The following ZNF561 variants were observed in gnomAD, a reference collection of about 807,000 sequenced individuals.
ZNF561 encodes zinc finger protein 561.
In ZNF561, 16 loss-of-function variants were observed where a neutral mutation model predicts 16.7. That is an observed-to-expected ratio of 0.96 (90% CI 0.65 to 1.45). The LOEUF is 1.45. Ranked by LOEUF, ZNF561 falls within the 40% of genes most tolerant of loss-of-function variation. ZNF561 has a pLI of 0.00. For synonymous variants in ZNF561, 190 were observed against 192.1 expected, an observed-to-expected ratio of 0.99 and a Z score of 0.09; for missense variants, 580 against 578.0, an observed-to-expected ratio of 1.00 and a Z score of -0.04.
chr19:9,611,854 A>T (rs1351766049), intron 5 of ZNF561, among the ~76,000 whole-genome samples: 2 of 152,162 alleles, frequency 1.3e-5, no homozygotes, highest in Non-Finnish European at 2.9e-5. Flanking sequence ...TCAAGTGATC[A>T]TCCTGCCTTA....
chr19:9,620,927 G>A (rs953412656), intron 1 of ZNF561: 7 of 152,320 alleles, frequency 4.6e-5, no homozygotes, highest in Non-Finnish European at 8.8e-5. Flanking sequence ...TGTAATCCCA[G>A]GTACTCGGAA....
intron 4 of ZNF561, among the ~76,000 whole-genome samples, chr19:9,614,704 G>A (rs1352518017): frequency 2.0e-5 from 3 of 152,122 alleles, no homozygotes; most frequent in African/African-American, 7.2e-5. Context: ...GAATGATAAA[G>A]TTAACAAAGA....
chr19:9,614,475 G>T (rs549188232), intron 4 of ZNF561, among the ~76,000 whole-genome samples: 3 of 152,274 alleles, frequency 2.0e-5, no homozygotes, highest in Admixed American at 1.3e-4. Context: ...AGGCATGGTG[G>T]CGCATGCCTA....
intron 3 of ZNF561, chr19:9,617,410 T>C: frequency 2.7e-6 from 2 of 748,496 alleles, no homozygotes; most frequent in Non-Finnish European, 3.5e-6. Context: ...TGCTGATCTA[T>C]TTTTAATTTT....
intron 4 of ZNF561, among the ~76,000 whole-genome samples, chr19:9,615,727 G>A (rs945047756): frequency 8.0e-5 from 11 of 137,312 alleles, no homozygotes; most frequent in South Asian, 4.6e-4. Flanking sequence ...CCAACATGGC[G>A]AAACCCCATC....
intron 3 of ZNF561, chr19:9,617,555 G>A: frequency 2.6e-6 from 1 of 388,436 alleles, no homozygotes; most frequent in South Asian, 1.9e-5. Flanking sequence ...GGGTCCAACT[G>A]TGTCACCCAG....
At chr19:9,620,287 G>A (rs969189030) in intron 1 of ZNF561, among the ~76,000 whole-genome samples, 1 of 151,894 alleles carries the variant, frequency 6.6e-6, no homozygotes, top group Non-Finnish European at 1.5e-5. Flanking sequence ...ACGCAGTTTC[G>A]CCATATTGGC....
intron 3 of ZNF561, 70 bp from the exon 4 acceptor site, chr19:9,617,241 A>AGG: frequency 6.4e-7 from 1 of 1,553,922 alleles, no homozygotes; most frequent in Non-Finnish European, 8.7e-7. Flanking sequence ...AGAATGATGA[A>AGG]GGGGAACCTT....
rs1266131483 is a variant in ZNF561 at position 9,620,928 on chromosome 19, G to A, written c.-127+234C>T. ...TGGTGGCACTTGCCTGTAATCCCAG[G>A]TACTCGGAAGGCTGAGGCAGGAGAA... is the stretch of plus-strand genomic sequence containing the variant. On this transcript the variant is annotated intron_variant, in intron 1 of 5. Transcript: ENST00000302851. 2.0e-5 allele frequency: 3 copies of A among 152,286 alleles called. No individual in the cohort carries two copies. The East Asian group carries it at 5.8e-4, about 29-fold the overall frequency. The allele number at this position is 152,286 out of a possible 1,614,324, so 9.4% of individuals were successfully genotyped here. A position where few individuals can be genotyped will look rare whatever the true frequency, so the allele number is the denominator to read the frequency against.
rs1430953799 is a variant in ZNF561 at position 9,607,994 on chromosome 19, C to T, written c.*2206G>A. The T allele has an allele frequency of 6.6e-6, 1 of 152,260 alleles. No individual in the cohort carries two copies. The highest frequency in any genetic ancestry group is 2.4e-5 in the African/African-American group (1 of 41,442). 9.4% of individuals were successfully genotyped at this position (152,260 alleles called of 1,614,324 possible). A position where few individuals can be genotyped will look rare whatever the true frequency, so the allele number is the denominator to read the frequency against. On this transcript the variant is annotated 3_prime_UTR_variant, in exon 6 of 6. Transcript: ENST00000302851. ...TCATGCCATTCTCCTGCCTCAGCCT[C>T]CCGAGTAGCTGGGACTGCAGGTACC...
intron 4 of ZNF561, among the ~76,000 whole-genome samples, chr19:9,615,751 CAAAAAA>C (rs1192652868): frequency 2.3e-5 from 2 of 85,370 alleles, no homozygotes; most frequent in South Asian, 4.3e-4. Context: ...ACTAAAAATA[CAAAAAA>C]AAAAAAAAAA....
At chr19:9,616,278 T>C (rs1387595457) in intron 4 of ZNF561, among the ~76,000 whole-genome samples, 1 of 152,188 alleles carries the variant, frequency 6.6e-6, no homozygotes, top group Non-Finnish European at 1.5e-5. Context: ...GTGTTTATTT[T>C]TATTTTTAAT....
rs1171235924 is a variant in ZNF561, at chr19:9,610,967, T to C, written c.694A>G (p.Arg232Gly). ...EKLCEFQEYG[R>G]AVTASSHLKQ... The stretch of plus-strand genomic sequence containing the variant: ...AGGTGTGAAGAAGCTGTGACAGCTC[T>C]CCCATATTCCTGAAATTCACAGAGT... Residue 232 changes from arginine to glycine, a missense_variant, in exon 6 of 6, where the codon AGA becomes GGA. Coordinates refer to ENST00000302851, the MANE Select transcript of ZNF561 (RefSeq NM_152289.3). The C allele has an allele frequency of 5.6e-6, 9 of 1,614,180 alleles. No individual in the cohort carries two copies. Among genetic ancestry groups the C allele is most frequent in the Non-Finnish European group, 7.6e-6 (9 of 1,180,038 alleles).
chr19:9,610,370 G>C lies in ZNF561; in HGVS notation c.1291C>G (p.Leu431Val). The C allele has an allele frequency of 6.2e-7, 1 of 1,614,126 alleles. No homozygotes were observed. The highest frequency in any genetic ancestry group is 8.5e-7 in the Non-Finnish European group (1 of 1,180,010). ...TGAACATTAAGGCGTGAGGAATATA[G>C]AAATGCTTTCCCACATATCTTGCAT... ...FVCKICGKAFLYSSRLNVHLR... is the reference protein window; with the variant it reads ...FVCKICGKAFVYSSRLNVHLR... The change falls in exon 6 of 6, where the codon CTA becomes GTA. Residue 431 changes from leucine to valine, a missense_variant. By Grantham distance (32) the Leu-to-Val change is conservative. Transcript: ENST00000302851.
At chr19:9,613,405 T>G (rs984537143) in intron 5 of ZNF561, among the ~76,000 whole-genome samples, 4 of 152,064 alleles carry the variant, frequency 2.6e-5, no homozygotes, top group African/African-American at 9.7e-5. Flanking sequence ...TGGCTAACTT[T>G]GTATTTTTAG....
chr19:9,608,185 T>C lies in ZNF561; in HGVS notation c.*2015A>G, dbSNP rs1377116386. 2 of 151,288 alleles carry C rather than the reference T, an allele frequency of 1.3e-5. No individual in the cohort carries two copies. The highest frequency in any genetic ancestry group is 3.9e-4 in the East Asian group (2 of 5,146). 9.4% of individuals were successfully genotyped at this position (151,288 alleles called of 1,614,324 possible). A position where few individuals can be genotyped will look rare whatever the true frequency, so the allele number is the denominator to read the frequency against. On this transcript the variant is annotated 3_prime_UTR_variant, in exon 6 of 6. Coordinates refer to ENST00000302851, the MANE Select transcript of ZNF561 (RefSeq NM_152289.3). ...CGCGCCCGGCCTGAAAATAGGCTCT[T>C]TAGAAGTATCGTGAAATGATGTCAA...
chr19:9,620,993 G>A (rs1045314546), intron 1 of ZNF561, 169 bp downstream of exon 1: 2 of 152,362 alleles, frequency 1.3e-5, no homozygotes, highest in African/African-American at 4.8e-5. Context: ...AGGTTGCAGT[G>A]AGCCGAGAGA....
intron 1 of ZNF561, among the ~76,000 whole-genome samples, chr19:9,619,997 C>G (rs1180973716): frequency 2.0e-5 from 3 of 151,866 alleles, no homozygotes; most frequent in Non-Finnish European, 4.4e-5. Flanking sequence ...GGCACTAACA[C>G]AACTCTCTGT....
rs867941739 is a variant in ZNF561, at chr19:9,612,139, G to A, written c.325-803C>T. On this transcript the variant is annotated intron_variant, in intron 5 of 5. Coordinates refer to ENST00000302851, the MANE Select transcript of ZNF561 (RefSeq NM_152289.3). ...GACAGGGTTTCACCATGTTGGCCAGGCTGGTTTTGAACCCCTGACCTCAGA... is the reference window on the plus strand; with the variant it reads ...GACAGGGTTTCACCATGTTGGCCAGACTGGTTTTGAACCCCTGACCTCAGA... Among the ~76,000 whole-genome samples, 5 of 152,176 alleles carry A rather than the reference G, an allele frequency of 3.3e-5. No individual in the cohort carries two copies. In the Middle Eastern group the frequency reaches 0.017, roughly 518 times the overall value.
Sources: allele counts gnomAD v4.1 joint callset (sites outside exome capture counted in the v4.1 genomes callset), GRCh38; gene constraint gnomAD v4.1.1; transcripts MANE v1.5; gene names NCBI Gene and HGNC (gene_info 2026-07-23, HGNC 2026-07-21).